HMCN2: variants seen among roughly 807,000 people sequenced by gnomAD.
HMCN2 encodes hemicentin-2.
A neutral mutation model predicts 377.5 loss-of-function variants in HMCN2; 325 were observed. The ratio of observed to expected loss-of-function variants is 0.86; its 90% confidence interval spans 0.79 to 0.94. The LOEUF is 0.94. Among genes scored for constraint, HMCN2 ranks in the 40% least tolerant of loss-of-function variants. HMCN2 has a pLI of 0.00. For synonymous variants in HMCN2, 2,007 were observed against 2,046.8 expected (o/e 0.98, Z 0.53); for missense variants, 4,543 against 4,725.3 (o/e 0.96, Z 1.13).
At chr9:130,378,299 G>T (rs1463570104) in intron 53 of HMCN2, among the ~76,000 whole-genome samples, 2 of 145,954 alleles carry the variant, frequency 1.4e-5, no homozygotes, top group South Asian at 2.3e-4. Flanking sequence ...GGAGGGAGAG[G>T]CTGGGAGGCT....
chr9:130,429,881 C>T (rs1844633639), intron 94 of HMCN2, 196 bp downstream of exon 94: 4 of 1,082,562 alleles, frequency 3.7e-6, no homozygotes, highest in Non-Finnish European at 5.1e-6. Context: ...ACACTTTGCA[C>T]TCACTGGGTG....
chr9:130,407,539 C>G (rs1448749410), intron 82 of HMCN2, 32 bp from the exon 83 acceptor site: 19 of 1,287,698 alleles, frequency 1.5e-5, no homozygotes, highest in Non-Finnish European at 1.9e-5. Context: ...GGCAGGAGTT[C>G]CCTGCACCCG....
chr9:130,415,015 G>T (rs987304859), intron 85 of HMCN2, among the ~76,000 whole-genome samples: 1 of 152,092 alleles, frequency 6.6e-6, no homozygotes, highest in South Asian at 2.1e-4. Context: ...TCCCAGCCAG[G>T]ATGGTGCCAG....
At chr9:130,418,334 G>A (rs1361559148) in intron 85 of HMCN2, among the ~76,000 whole-genome samples, 1 of 152,210 alleles carries the variant, frequency 6.6e-6, no homozygotes, top group East Asian at 1.9e-4. Context: ...ACTGAGGCGG[G>A]TGGATCACTT....
In HMCN2 at chr9:130,433,631, G is replaced by A. The variant is rs1844909791; in HGVS notation, c.15178G>A (p.Ala5060Thr). 1.3e-6 allele frequency: 2 copies of A among 1,521,416 alleles called. No individual in the cohort carries two copies. Among genetic ancestry groups the A allele is most frequent in the African/African-American group, 1.4e-5 (1 of 69,186 alleles). The allele number at this position is 1,521,416 out of a possible 1,614,324, so 94.2% of individuals were successfully genotyped here. A position where few individuals can be genotyped will look rare whatever the true frequency, so the allele number is the denominator to read the frequency against. ...AGLYRLTVRAAAPRHQSVFVL... is the reference protein window; with the variant it reads ...AGLYRLTVRATAPRHQSVFVL... ...CCTCTACCGGCTCACCGTGCGTGCT[G>A]CGGCACCGCGCCACCAAAGCGTCTT... is the stretch of plus-strand genomic sequence containing the variant. The change falls in exon 98 of 98, where the codon GCG (alanine) becomes ACG (threonine). Residue 5060 changes from alanine to threonine, a missense_variant. Physicochemically the swap from Ala to Thr is moderately conservative, Grantham distance 58. Transcript: ENST00000683500.
At chr9:130,372,002 T>C (rs984667382) in intron 46 of HMCN2, among the ~76,000 whole-genome samples, 1 of 152,172 alleles carries the variant, frequency 6.6e-6, no homozygotes, top group Non-Finnish European at 1.5e-5. Flanking sequence ...CCCATTACTC[T>C]CCCTTCAGCT....
intron 57 of HMCN2, among the ~76,000 whole-genome samples, chr9:130,383,990 T>C (rs7854571): frequency 0.75 from 114,660 of 152,118 alleles, 44,541 homozygotes; most frequent in East Asian, 0.87. Context: ...GGTCTCACTG[T>C]CCCGGAGCCT....
intron 15 of HMCN2, among the ~76,000 whole-genome samples, chr9:130,312,018 G>A (rs2131369948): frequency 6.6e-6 from 1 of 152,334 alleles, no homozygotes; most frequent in African/African-American, 2.4e-5. Flanking sequence ...CCAGCTCAGA[G>A]CACATTTTGT....
chr9:130,381,165 C>G (rs1413998696), intron 54 of HMCN2, among the ~76,000 whole-genome samples: 5 of 152,190 alleles, frequency 3.3e-5, no homozygotes, highest in Non-Finnish European at 7.3e-5. Context: ...TGACCTTACA[C>G]TGACCTCAAA....
At chr9:130,346,096 G>T (rs1211317300) in intron 25 of HMCN2, among the ~76,000 whole-genome samples, 2 of 152,144 alleles carry the variant, frequency 1.3e-5, no homozygotes, top group Admixed American at 1.3e-4. Context: ...AGCAGAAGGC[G>T]GGTGGGAGTG....
In HMCN2 at chr9:130,428,219, C is replaced by A; in HGVS notation, c.14066-139C>A. ...GGAGCAAGACAATGGAAAGAGCTAG[C>A]AGAAGGGGTGGGGACCTTCCTGCCA... On this transcript the variant is annotated intron_variant, in intron 92 of 97. Coordinates refer to ENST00000683500, the MANE Select transcript of HMCN2 (RefSeq NM_001291815.2). The surrounding 1 kb of genome is among the most constrained non-coding windows in gnomAD (Gnocchi z 5.0). 2.0e-6 allele frequency: 2 copies of A among 979,228 alleles called. No homozygotes were observed. The highest frequency in any genetic ancestry group is 2.9e-6 in the Non-Finnish European group (2 of 697,232). The allele number at this position is 979,228 out of a possible 1,614,324, so 60.7% of individuals were successfully genotyped here.
chr9:130,354,511 C>T (rs112779587), intron 31 of HMCN2, among the ~76,000 whole-genome samples: 2,329 of 152,292 alleles, frequency 0.015, 69 homozygotes, highest in African/African-American at 0.052. Context: ...TCATGCTGGG[C>T]TTGCCGGGGT....
rs781785483 is a variant in HMCN2 at position 130,284,667 on chromosome 9, C to T, written c.324C>T (p.Tyr108=). The change falls in exon 2 of 98, where the codon TAC becomes TAT. Residue 108 remains tyrosine, a synonymous_variant. Coordinates refer to ENST00000683500, the MANE Select transcript of HMCN2 (RefSeq NM_001291815.2). ...TTCAGAGGGAGCTGAGAGAACTCTA[C>T]GTGCAGGTGGGCAGCCCCTGACCCT... ...TVFQRELREL[Y]VQGGGDCPEM... is the part of the protein sequence containing the mutation. The T allele has an allele frequency of 1.3e-5, 6 of 471,080 alleles. No homozygotes were observed. Among genetic ancestry groups the T allele is most frequent in the East Asian group, 6.9e-5 (1 of 14,406 alleles). 29.2% of individuals were successfully genotyped at this position (471,080 alleles called of 1,614,324 possible).
intron 1 of HMCN2, among the ~76,000 whole-genome samples, chr9:130,268,254 G>A (rs1393266959): frequency 1.3e-5 from 2 of 152,144 alleles, no homozygotes; most frequent in East Asian, 3.9e-4. Flanking sequence ...TCCTCTCTGG[G>A]CACTGAGCTG....
chr9:130,271,699 C>T (rs1554921186), intron 1 of HMCN2, among the ~76,000 whole-genome samples: 3 of 148,902 alleles, frequency 2.0e-5, no homozygotes, highest in African/African-American at 7.3e-5. Context: ...GCTATTTCTC[C>T]AAGGAGCCCT....
In HMCN2 at chr9:130,367,707, C is replaced by T. The variant is rs544981209; in HGVS notation, c.6626-569C>T. ...CTGTAATCCCAGCACTTTGGGAGGC[C>T]GAGGCAGTGGGTCACCTGAGGTCAG... On this transcript the variant is annotated intron_variant, in intron 43 of 97. Coordinates refer to ENST00000683500, the MANE Select transcript of HMCN2 (RefSeq NM_001291815.2). Among the ~76,000 whole-genome samples, 24 of 151,814 alleles carry T rather than the reference C, an allele frequency of 1.6e-4. No individual in the cohort carries two copies. The East Asian group carries it at 4.1e-3, about 26-fold the overall frequency.
rs148423223 is a variant in HMCN2 at position 130,297,322 on chromosome 9, G to A, written c.1012+528G>A. On this transcript the variant is annotated intron_variant, in intron 7 of 97. Coordinates refer to ENST00000683500, the MANE Select transcript of HMCN2 (RefSeq NM_001291815.2). ...TGGAGGAGCCTGGGGGGGATATTGA[G>A]GGTGGAGGCACAGGCATCCAATTCG... 3.0e-3 allele frequency among the ~76,000 whole-genome samples: 464 copies of A among 152,226 alleles called. 3 individuals carry two copies. Among genetic ancestry groups the A allele is most frequent in the African/African-American group, 0.01 (431 of 41,538 alleles).
chr9:130,279,408 G>A (rs911706444), intron 1 of HMCN2, among the ~76,000 whole-genome samples: 1 of 151,682 alleles, frequency 6.6e-6, no homozygotes, highest in Non-Finnish European at 1.5e-5. Flanking sequence ...GCTGGAGTGC[G>A]GTGTCACAGT....
intron 8 of HMCN2, among the ~76,000 whole-genome samples, chr9:130,299,611 G>A (rs1443356260): frequency 1.4e-5 from 1 of 74,012 alleles, no homozygotes; most frequent in Non-Finnish European, 2.8e-5. Context: ...ATCCACTCAT[G>A]CACCCACCCA....
Sources: gnomAD v4.1 joint callset for allele counts (sites outside exome capture counted in the v4.1 genomes callset) on GRCh38, gnomAD v4.1.1 for gene constraint, Gnocchi (gnomAD v3.1) non-coding constraint, MANE v1.5 for transcripts, NCBI Gene and HGNC (gene_info 2026-07-23, HGNC 2026-07-21) for gene names.